INTS9: variants seen among roughly 807,000 people sequenced by gnomAD.
The protein encoded by INTS9 is integrator complex subunit 9.
In INTS9, 55 loss-of-function variants were observed where a neutral mutation model predicts 79.7. That is an observed-to-expected ratio of 0.69 (90% CI 0.56 to 0.86). The LOEUF is 0.86. INTS9 is among the 40% of genes least tolerant of loss of function. The pLI is 0.00. For missense variants in INTS9, 721 were observed against 831.5 expected (o/e 0.87, Z 1.64); for synonymous variants, 319 against 325.2 (o/e 0.98, Z 0.20).
Position 28,767,838 on chromosome 8 carries a change from C to CG in INTS9, c.*307_*308insC. The CG allele has an allele frequency of 2.7e-6, 1 of 366,948 alleles. No homozygotes were observed. The highest frequency in any genetic ancestry group is 5.1e-6 in the Non-Finnish European group (1 of 194,908). The allele number at this position is 366,948 out of a possible 1,614,324, so 22.7% of individuals were successfully genotyped here. On this transcript the variant is annotated 3_prime_UTR_variant, in exon 17 of 17. Coordinates refer to ENST00000521022, the MANE Select transcript of INTS9 (RefSeq NM_018250.4). ...CCTGGGACTGATGCAAGACAGCCAG[C>CG]CAGTCACCTCCGCCTCCCATGAACC...
intron 1 of INTS9, among the ~76,000 whole-genome samples, chr8:28,862,454 G>A (rs1808510747): frequency 6.6e-6 from 1 of 152,070 alleles, no homozygotes; most frequent in African/African-American, 2.4e-5. Flanking sequence ...TTCCCTTATT[G>A]TTGAACATTG....
At chr8:28,878,143 A>G (rs1809493292) in intron 1 of INTS9, among the ~76,000 whole-genome samples, 1 of 152,190 alleles carries the variant, frequency 6.6e-6, no homozygotes, top group South Asian at 2.1e-4. Flanking sequence ...TCAATATGCC[A>G]AACCAATGTG....
At chr8:28,871,405 G>A (rs1007554393) in intron 1 of INTS9, among the ~76,000 whole-genome samples, 11 of 152,074 alleles carry the variant, frequency 7.2e-5, no homozygotes, top group Non-Finnish European at 7.4e-5. Flanking sequence ...TTCTGGGGTA[G>A]GAGATAACTT....
chr8:28,874,814 A>G (rs554105930), intron 1 of INTS9, among the ~76,000 whole-genome samples: 1 of 152,220 alleles, frequency 6.6e-6, no homozygotes. Context: ...TCAGATGTTA[A>G]TAACATTATA....
intron 2 of INTS9, among the ~76,000 whole-genome samples, chr8:28,850,991 T>C (rs921892912): frequency 1.2e-4 from 18 of 152,354 alleles, no homozygotes; most frequent in Middle Eastern, 3.4e-3. Flanking sequence ...GTTCTACTAG[T>C]TGACCAGAAG....
intron 14 of INTS9, among the ~76,000 whole-genome samples, chr8:28,771,450 T>A (rs1210379458): frequency 1.3e-5 from 2 of 152,200 alleles, no homozygotes; most frequent in African/African-American, 4.8e-5. Context: ...ATGGGTGCCC[T>A]GCCGTGCAGC....
intron 11 of INTS9, 92 bp downstream of exon 11, chr8:28,787,737 C>T: frequency 1.2e-6 from 1 of 848,634 alleles, no homozygotes; most frequent in East Asian, 2.5e-5. Flanking sequence ...GTTTACACAG[C>T]AATCTATTTC....
intron 8 of INTS9, among the ~76,000 whole-genome samples, chr8:28,809,312 T>C (rs148079374): frequency 6.6e-6 from 1 of 152,174 alleles, no homozygotes; most frequent in Non-Finnish European, 1.5e-5. Context: ...GTGGCTGTAC[T>C]TCAACAAAAT....
At chr8:28,780,795 A>C (rs1803210792) in intron 12 of INTS9, 28 bp downstream of exon 12, 1 of 1,611,098 alleles carries the variant, frequency 6.2e-7, no homozygotes, top group African/African-American at 1.3e-5. Context: ...GGAGAGAACC[A>C]ATTTGTTTCT....
chr8:28,840,237 A>G (rs1807087143), intron 4 of INTS9, among the ~76,000 whole-genome samples: 1 of 151,724 alleles, frequency 6.6e-6, no homozygotes, highest in Non-Finnish European at 1.5e-5. Flanking sequence ...GAAAACCACA[A>G]TGAGATACCA....
chr8:28,797,129 G>A (rs918602410), intron 8 of INTS9, among the ~76,000 whole-genome samples: 9 of 152,188 alleles, frequency 5.9e-5, no homozygotes, highest in Non-Finnish European at 1.0e-4. Context: ...TTCAGGTTGG[G>A]GTGGGGCCTG....
At chr8:28,832,670 A>C (rs1806563136) in intron 6 of INTS9, among the ~76,000 whole-genome samples, 1 of 152,232 alleles carries the variant, frequency 6.6e-6, no homozygotes, top group Admixed American at 6.5e-5. Context: ...CCTGTAAAAA[A>C]GTAATAACAC....
At chr8:28,769,766 C>T in intron 16 of INTS9, 123 bp downstream of exon 16, 1 of 1,294,230 alleles carries the variant, frequency 7.7e-7, no homozygotes, top group Non-Finnish European at 1.1e-6. Context: ...AAACAGATGC[C>T]ACAGGACAGT....
At position 28,835,308 on chromosome 8, in the gene INTS9, T is replaced by C. The variant is rs1563284915; in HGVS notation, c.472A>G (p.Asn158Asp). Reference protein sequence around the residue: ...PKAQSASLWKNKDIQRLLPSP... With the variant: ...PKAQSASLWKDKDIQRLLPSP... ...GTTCCTCACCTCTGAATGTCCTTATTCTTCCACAAGGAGGCAGACTGAGCC... is the reference window on the plus strand; with the variant it reads ...GTTCCTCACCTCTGAATGTCCTTATCCTTCCACAAGGAGGCAGACTGAGCC... The change falls in exon 6 of 17, where the codon AAT becomes GAT. Residue 158 changes from asparagine to aspartate, a missense_variant. Around this residue, in one of 3 missense-constraint regions of INTS9, gnomAD observed 291 missense variants for 307.0 expected, o/e 0.95. Coordinates refer to ENST00000521022, the MANE Select transcript of INTS9 (RefSeq NM_018250.4). 6.2e-7 allele frequency: 1 copy of C among 1,613,226 alleles called. No individual in the cohort carries two copies. The highest frequency in any genetic ancestry group is 1.7e-5 in the Admixed American group (1 of 59,988).
intron 1 of INTS9, among the ~76,000 whole-genome samples, chr8:28,881,494 C>T (rs868183208): frequency 0.16 from 4,331 of 26,886 alleles, 8 homozygotes; most frequent in Non-Finnish European, 0.18. Flanking sequence ...GTCAGCCCCC[C>T]GCCCGGCCAG....
At chr8:28,796,701 T>C (rs1247817357) in intron 8 of INTS9, 46 bp from the exon 9 acceptor site, 2 of 1,138,624 alleles carry the variant, frequency 1.8e-6, no homozygotes, top group African/African-American at 1.5e-5. Context: ...AAAAGGAACA[T>C]TACCTACAAA....
intron 6 of INTS9, among the ~76,000 whole-genome samples, chr8:28,825,096 C>T (rs181202317): frequency 6.0e-4 from 92 of 152,322 alleles, no homozygotes; most frequent in African/African-American, 1.9e-3. Context: ...CAAGGAAAAA[C>T]CCAAGGTTCT....
intron 1 of INTS9, among the ~76,000 whole-genome samples, chr8:28,866,947 C>T (rs1039539682): frequency 3.3e-5 from 5 of 150,804 alleles, no homozygotes; most frequent in African/African-American, 7.4e-5. Flanking sequence ...TGCACTCCAG[C>T]CTGGGTGACA....
chr8:28,879,529 C>T (rs1809581217), intron 1 of INTS9, among the ~76,000 whole-genome samples: 1 of 152,172 alleles, frequency 6.6e-6, no homozygotes, highest in African/African-American at 2.4e-5. Context: ...CCTGCTTGTA[C>T]TACCTCTATT....
Sources: allele counts gnomAD v4.1 joint callset (sites outside exome capture counted in the v4.1 genomes callset), GRCh38; gene constraint gnomAD v4.1.1; regional missense constraint gnomAD v4.1.1; transcripts MANE v1.5; gene names NCBI Gene and HGNC (gene_info 2026-07-23, HGNC 2026-07-21).